STK3: variants seen among roughly 807,000 people sequenced by gnomAD.
STK3 encodes the protein serine/threonine kinase 3.
A neutral mutation model predicts 58.0 loss-of-function variants in STK3; 41 were observed. The ratio of observed to expected loss-of-function variants is 0.71; its 90% CI spans 0.55 to 0.92. STK3 has a LOEUF of 0.92. STK3 is among the 40% of genes least tolerant of loss of function. The pLI is 0.00. For missense variants in STK3, 479 were observed against 602.7 expected (o/e 0.79, Z 2.15); for synonymous variants, 170 against 191.0 (o/e 0.89, Z 0.91).
intron 3 of STK3, among the ~76,000 whole-genome samples, chr8:98,421,672 A>C (rs914950410): frequency 2.0e-5 from 3 of 152,136 alleles, no homozygotes; most frequent in African/African-American, 7.2e-5. Flanking sequence ...GCTACTCAGG[A>C]GGCTGAGGTG....
chr8:98,884,538 A>G (rs1454465994), intron 1 of STK3, among the ~76,000 whole-genome samples: 2 of 152,246 alleles, frequency 1.3e-5, no homozygotes, highest in African/African-American at 2.4e-5. Flanking sequence ...CAACTGTCCT[A>G]TTAATTTTCT....
chr8:98,667,501 TTGTC>T (rs1822451651), intron 6 of STK3, among the ~76,000 whole-genome samples: 2 of 152,162 alleles, frequency 1.3e-5, no homozygotes, highest in African/African-American at 2.4e-5. Context: ...GGATTATAAA[TTGTC>T]TGTAGACCAT....
At chr8:98,368,486 G>C (rs1047233670), downstream of STK3, among the ~76,000 whole-genome samples, 2 of 152,152 alleles carry the variant, frequency 1.3e-5, no homozygotes, top group Non-Finnish European at 2.9e-5. Context: ...CCCGTTCCTT[G>C]ACATGCTAAC....
chr8:98,531,885 C>T (rs1826194196), intron 9 of STK3, among the ~76,000 whole-genome samples: 1 of 152,212 alleles, frequency 6.6e-6, no homozygotes, highest in Non-Finnish European at 1.5e-5. Flanking sequence ...TCTTCTGCAG[C>T]TTCCTTACCT....
chr8:98,493,273 A>G (rs917993493), intron 10 of STK3, among the ~76,000 whole-genome samples: 14 of 152,046 alleles, frequency 9.2e-5, no homozygotes, highest in Non-Finnish European at 1.9e-4. Context: ...CATATCTAAA[A>G]GCAATATAAA....
At position 98,599,020 on chromosome 8, in the gene STK3, A is replaced by T. The variant is rs1586974447; in HGVS notation, c.685-2851T>A. 6.0e-5 allele frequency: 29 copies of T among 481,582 alleles called. No individual in the cohort carries two copies. In the South Asian group the frequency reaches 2.3e-3, roughly 38 times the overall value. 29.8% of individuals were successfully genotyped at this position (481,582 alleles called of 1,614,324 possible). A position where few individuals can be genotyped will look rare whatever the true frequency, so the allele number is the denominator to read the frequency against. On this transcript the variant is annotated intron_variant, in intron 6 of 10. Coordinates refer to ENST00000419617, the MANE Select transcript of STK3 (RefSeq NM_006281.4). The stretch of plus-strand genomic sequence containing the variant: ...AGAATCAACAATGACTGAACTTTAT[A>T]ATCTCAGTGGAATGAGTCAACACAT...
At chr8:98,670,715 C>T (rs11780292) in intron 6 of STK3, among the ~76,000 whole-genome samples, 37,173 of 152,140 alleles carry the variant, frequency 0.24, 5,395 homozygotes, top group East Asian at 0.43. Flanking sequence ...CCATGGGCCC[C>T]CCCGATCCTG....
chr8:98,526,643 T>C, intron 10 of STK3, 99 bp downstream of exon 10: 1 of 986,992 alleles, frequency 1.0e-6, no homozygotes, highest in Non-Finnish European at 1.4e-6. Context: ...TAATTGTATA[T>C]ACATACACAC....
At chr8:98,845,205 G>C (rs1037038622) in intron 3 of STK3, among the ~76,000 whole-genome samples, 4 of 151,916 alleles carry the variant, frequency 2.6e-5, no homozygotes, top group Non-Finnish European at 5.9e-5. Flanking sequence ...TTTAAACCAC[G>C]TATTTATTTC....
chr8:98,573,599 C>A lies in STK3; in HGVS notation c.948+6065G>T, dbSNP rs187975511. Among the ~76,000 whole-genome samples, 45 of 151,972 alleles carry A rather than the reference C, an allele frequency of 3.0e-4. 1 individual carries two copies. In the East Asian group the frequency reaches 8.8e-3, roughly 30 times the overall value. On this transcript the variant is annotated intron_variant, in intron 8 of 10. Coordinates refer to ENST00000419617, the MANE Select transcript of STK3 (RefSeq NM_006281.4). ...ATATCATTCTGCCCCTGCCCCCTCCCAAATCTCATGTCCTCACATTTCAAA... is the reference window on the plus strand; with the variant it reads ...ATATCATTCTGCCCCTGCCCCCTCCAAAATCTCATGTCCTCACATTTCAAA...
chr8:98,529,627 G>A (rs1014726721), intron 9 of STK3, among the ~76,000 whole-genome samples: 2 of 152,178 alleles, frequency 1.3e-5, no homozygotes, highest in Non-Finnish European at 2.9e-5. Context: ...GTAACCCCAT[G>A]TCTATTGCAG....
chr8:98,772,959 T>A (rs190355250), intron 2 of STK3, among the ~76,000 whole-genome samples: 214 of 152,194 alleles, frequency 1.4e-3, no homozygotes, highest in Non-Finnish European at 1.0e-3. Context: ...CTTAATACAA[T>A]CAGAAAATGT....
chr8:98,521,333 C>T (rs991122940), intron 10 of STK3, among the ~76,000 whole-genome samples: 1 of 151,982 alleles, frequency 6.6e-6, no homozygotes, highest in African/African-American at 2.4e-5. Context: ...GGTACTGTCA[C>T]CATTTATCAT....
At chr8:98,507,652 A>G (rs1004917188) in intron 10 of STK3, among the ~76,000 whole-genome samples, 2 of 152,110 alleles carry the variant, frequency 1.3e-5, no homozygotes, top group African/African-American at 4.8e-5. Context: ...GCACCCTACC[A>G]CTTCCCTATC....
At chr8:98,606,615 A>G (rs1433885117) in intron 6 of STK3, among the ~76,000 whole-genome samples, 2 of 152,214 alleles carry the variant, frequency 1.3e-5, no homozygotes, top group Non-Finnish European at 2.9e-5. Flanking sequence ...AGCTCAAACA[A>G]ATGGCCAAAG....
intron 3 of STK3, chr8:98,429,091 G>T: frequency 1.2e-6 from 2 of 1,613,458 alleles, no homozygotes; most frequent in Non-Finnish European, 1.7e-6. Context: ...GCTACCGTCA[G>T]TATGACCACA....
intron 1 of STK3, among the ~76,000 whole-genome samples, chr8:98,811,928 G>A (rs1249614529): frequency 6.6e-6 from 1 of 152,186 alleles, no homozygotes; most frequent in African/African-American, 2.4e-5. Flanking sequence ...TCCTGCCTCA[G>A]CCTCCCAAGT....
chr8:98,632,964 CATTT>C (rs1369148752), intron 6 of STK3, among the ~76,000 whole-genome samples: 5 of 152,110 alleles, frequency 3.3e-5, no homozygotes, highest in Admixed American at 6.6e-5. Context: ...ATGTATTAAT[CATTT>C]ATTTAATAAT....
chr8:98,776,904 G>T (rs1457633099), intron 1 of STK3, among the ~76,000 whole-genome samples: 1 of 151,950 alleles, frequency 6.6e-6, no homozygotes, highest in African/African-American at 2.4e-5. Context: ...CGAAAAATAA[G>T]CCAGGCATGG....
Sources: gnomAD v4.1 joint callset for allele counts (sites outside exome capture counted in the v4.1 genomes callset) on GRCh38, gnomAD v4.1.1 for gene constraint, MANE v1.5 for transcripts, NCBI Gene and HGNC (gene_info 2026-07-23, HGNC 2026-07-21) for gene names.